Variants in TSHZ1 observed in about 807,000 individuals in gnomAD.
TSHZ1 encodes teashirt zinc finger homeobox 1.
A neutral mutation model predicts 67.1 loss-of-function variants in TSHZ1; 12 were observed. The ratio of observed to expected loss-of-function variants is 0.18; its 90% CI spans 0.11 to 0.29. The LOEUF is 0.29. Ranked by LOEUF, TSHZ1 falls within the 10% of genes least tolerant of loss-of-function variation. The probability of loss-of-function intolerance (pLI) is 1.00; values close to 1 mark genes in which losing one functional copy is unlikely to be tolerated. For synonymous variants in TSHZ1, 632 were observed against 622.4 expected (o/e 1.02, Z -0.23); for missense variants, 1,305 against 1,413.9 (o/e 0.92, Z 1.23).
chr18:75,244,016 A>T (rs2023191174), intron 1 of TSHZ1, among the ~76,000 whole-genome samples: 1 of 152,196 alleles, frequency 6.6e-6, no homozygotes, highest in Admixed American at 6.5e-5. Flanking sequence ...AAGCAATATT[A>T]TGGTAAGTAT....
chr18:75,282,471 G>A (rs182021671), intron 1 of TSHZ1, among the ~76,000 whole-genome samples: 17 of 152,284 alleles, frequency 1.1e-4, no homozygotes, highest in Middle Eastern at 3.4e-3. Flanking sequence ...TTGTGTCCCC[G>A]TCATTCATAT....
chr18:75,287,571 A>G lies in TSHZ1; in HGVS notation c.2164A>G (p.Lys722Glu), dbSNP rs372728021. Reference protein sequence around the residue: ...TPNGTEPLKAKVTNGCNNLGI... With the variant: ...TPNGTEPLKAEVTNGCNNLGI... ...AAATGGCACAGAGCCTCTCAAAGCA[A>G]AGGTCACCAACGGCTGTAACAACCT... is the stretch of plus-strand genomic sequence containing the variant. The change falls in exon 2 of 2, where the codon AAG becomes GAG. Residue 722 changes from lysine (K) to glutamate (E), a missense_variant. Coordinates refer to ENST00000580243, the MANE Select transcript of TSHZ1 (RefSeq NM_001308210.2). The surrounding 1 kb of genome is among the most constrained non-coding windows in gnomAD (Gnocchi z 5.0). 2.5e-5 allele frequency: 41 copies of G among 1,614,194 alleles called. No homozygotes were observed. Among genetic ancestry groups the G allele is most frequent in the Non-Finnish European group, 3.0e-5 (35 of 1,180,034 alleles).
At chr18:75,240,904 G>A (rs1031952834) in intron 1 of TSHZ1, among the ~76,000 whole-genome samples, 5 of 152,148 alleles carry the variant, frequency 3.3e-5, no homozygotes, top group Admixed American at 6.5e-5. Context: ...TTAGTTAAAT[G>A]CATTCAGAAC....
At position 75,265,092 on chromosome 18, in the gene TSHZ1, G is replaced by C. The variant is rs2023474832; in HGVS notation, c.41-20356G>C. On this transcript the variant is annotated intron_variant, in intron 1 of 1. Coordinates refer to ENST00000580243, the MANE Select transcript of TSHZ1 (RefSeq NM_001308210.2). ...ATGTGATCCCACTTGTTCAAATCTT[G>C]GACCGTGGTAGAGAAATGTTTTGGA... is the stretch of plus-strand genomic sequence containing the variant. Among the ~76,000 whole-genome samples, 5 of 152,132 alleles carry C rather than the reference G, an allele frequency of 3.3e-5. No individual in the cohort carries two copies. In the South Asian group the frequency reaches 8.3e-4, roughly 25 times the overall value.
intron 1 of TSHZ1, among the ~76,000 whole-genome samples, chr18:75,253,519 A>G (rs1238934786): frequency 6.6e-6 from 1 of 152,238 alleles, no homozygotes; most frequent in Non-Finnish European, 1.5e-5. Context: ...CCCGCTCTTC[A>G]GCGGAGGTTT....
chr18:75,285,559 C>G lies in TSHZ1; in HGVS notation c.152C>G (p.Thr51Arg). Residue 51 changes from threonine (T) to arginine (R), a missense_variant, in exon 2 of 2, where the codon ACG (threonine) becomes AGG (arginine). Around this residue, in one of 3 missense-constraint regions of TSHZ1, gnomAD observed 358 missense variants for 375.6 expected, o/e 0.95. Coordinates refer to ENST00000580243, the MANE Select transcript of TSHZ1 (RefSeq NM_001308210.2). ...QESEYMCNEE[T>R]EIKEAQSYQN... Reference sequence around the variant, plus strand: ...AGTGAGTACATGTGCAATGAAGAGACGGAGATCAAAGAGGCGCAGAGCTAC... The same window carrying G: ...AGTGAGTACATGTGCAATGAAGAGAGGGAGATCAAAGAGGCGCAGAGCTAC... The G allele has an allele frequency of 1.3e-6, 2 of 1,589,506 alleles. No homozygotes were observed. The highest frequency in any genetic ancestry group is 1.7e-6 in the Non-Finnish European group (2 of 1,162,974).
At chr18:75,229,139 A>G (rs1322051926) in intron 1 of TSHZ1, among the ~76,000 whole-genome samples, 1 of 152,234 alleles carries the variant, frequency 6.6e-6, no homozygotes, top group African/African-American at 2.4e-5. Flanking sequence ...GCGTGCAGCC[A>G]TGTGACATGC....
At chr18:75,255,635 G>A (rs975559135) in intron 1 of TSHZ1, among the ~76,000 whole-genome samples, 1 of 151,932 alleles carries the variant, frequency 6.6e-6, no homozygotes, top group African/African-American at 2.4e-5. Context: ...TAAAATATAC[G>A]TATGTAGATT....
In TSHZ1 at chr18:75,229,677, AC is replaced by A. The variant is rs2022972589; in HGVS notation, c.40+17764del. 8.5e-5 allele frequency among the ~76,000 whole-genome samples: 13 copies of A among 152,272 alleles called. 1 individual carries two copies. The South Asian group carries it at 2.5e-3, about 29-fold the overall frequency. ...GTGACATGCGGTCTATGACGTGCCG[AC>A]CCTGGGTGCTGGCGATAGTAGGTGA... On this transcript the variant is annotated intron_variant, in intron 1 of 1. Coordinates refer to ENST00000580243, the MANE Select transcript of TSHZ1 (RefSeq NM_001308210.2).
chr18:75,222,713 A>T (rs1390630670), intron 1 of TSHZ1, among the ~76,000 whole-genome samples: 1 of 152,184 alleles, frequency 6.6e-6, no homozygotes, highest in African/African-American at 2.4e-5. Flanking sequence ...CCAGTTCTCA[A>T]AGACTGCCCC....
At chr18:75,237,042 G>A (rs921423568) in intron 1 of TSHZ1, among the ~76,000 whole-genome samples, 3 of 152,162 alleles carry the variant, frequency 2.0e-5, no homozygotes, top group Non-Finnish European at 4.4e-5. Context: ...GGGTAGCAGC[G>A]TGAGCCCTGG....
intron 1 of TSHZ1, among the ~76,000 whole-genome samples, chr18:75,264,796 C>G (rs994135932): frequency 5.9e-5 from 9 of 152,128 alleles, no homozygotes; most frequent in Non-Finnish European, 1.2e-4. Flanking sequence ...ACTTTAGTGT[C>G]AAATCTGTTA....
intron 1 of TSHZ1, among the ~76,000 whole-genome samples, chr18:75,257,165 A>C (rs1287731742): frequency 6.6e-6 from 1 of 152,218 alleles, no homozygotes; most frequent in Non-Finnish European, 1.5e-5. Flanking sequence ...TTGACCTTCA[A>C]TTGGGGGATC....
chr18:75,231,965 G>T (rs2023005303), intron 1 of TSHZ1, among the ~76,000 whole-genome samples: 1 of 152,216 alleles, frequency 6.6e-6, no homozygotes, highest in East Asian at 1.9e-4. Flanking sequence ...CTGGGGTTCA[G>T]TGGTGTGAAC....
intron 1 of TSHZ1, among the ~76,000 whole-genome samples, chr18:75,260,144 G>A (rs1281932381): frequency 3.3e-5 from 5 of 152,266 alleles, no homozygotes; most frequent in African/African-American, 9.6e-5. Flanking sequence ...GCCTGGCCCC[G>A]GAGGGGTTCT....
At position 75,211,008 on chromosome 18, in the gene TSHZ1, G is replaced by C. The variant is rs1356137321; in HGVS notation, c.-869G>C. 2.7e-5 allele frequency: 4 copies of C among 150,928 alleles called. No individual in the cohort carries two copies. The highest frequency in any genetic ancestry group is 4.2e-4 in the South Asian group (2 of 4,760). The allele number at this position is 150,928 out of a possible 1,614,324, so 9.3% of individuals were successfully genotyped here. ...TTGCCTTTTTTTTTTCTTGGAGGGG[G>C]GGGTGCTTTTTGTGTATTTTTCAAA... On this transcript the variant is annotated 5_prime_UTR_variant, in exon 1 of 2. Transcript: ENST00000580243.
At chr18:75,226,748 A>T (rs2022931208) in intron 1 of TSHZ1, among the ~76,000 whole-genome samples, 1 of 152,104 alleles carries the variant, frequency 6.6e-6, no homozygotes, top group South Asian at 2.1e-4. Flanking sequence ...TGTGTCATTT[A>T]TCAAAGGGGC....
intron 1 of TSHZ1, among the ~76,000 whole-genome samples, chr18:75,248,455 G>A (rs1022909460): frequency 1.3e-5 from 2 of 152,198 alleles, no homozygotes; most frequent in African/African-American, 2.4e-5. Context: ...ATTACCTTGT[G>A]ATTGTTTAGA....
chr18:75,253,521 C>T (rs888984555), intron 1 of TSHZ1, among the ~76,000 whole-genome samples: 10 of 152,130 alleles, frequency 6.6e-5, no homozygotes, highest in Admixed American at 5.2e-4. Flanking sequence ...CGCTCTTCAG[C>T]GGAGGTTTGG....
Sources: allele counts gnomAD v4.1 joint callset (sites outside exome capture counted in the v4.1 genomes callset), GRCh38; gene constraint gnomAD v4.1.1; regional missense constraint gnomAD v4.1.1; non-coding constraint Gnocchi (gnomAD v3.1); transcripts MANE v1.5; gene names NCBI Gene and HGNC (gene_info 2026-07-23, HGNC 2026-07-21).